RBM38: variants seen among roughly 807,000 people sequenced by gnomAD.
RBM38 encodes the protein RNA binding motif protein 38, also known as RNA-binding protein 38.
Under a neutral mutation model 23.5 loss-of-function variants are expected in RBM38, and 11 were observed. The observed-to-expected ratio is 0.47, with a 90% CI of 0.29 to 0.77. RBM38 has a LOEUF of 0.77. RBM38 is among the 30% of genes least tolerant of loss of function. The pLI is 0.08. For synonymous variants in RBM38, 165 were observed against 166.1 expected (o/e 0.99, Z 0.05); for missense variants, 330 against 351.9 (o/e 0.94, Z 0.50).
intron 3 of RBM38, among the ~76,000 whole-genome samples, chr20:57,403,277 G>GT (rs2146215709): frequency 6.6e-6 from 1 of 152,376 alleles, no homozygotes; most frequent in African/African-American, 2.4e-5. Flanking sequence ...CGCCTTGGAA[G>GT]TTTTGAAACC....
chr20:57,392,291 G>A lies in RBM38; in HGVS notation c.238-363G>A, dbSNP rs183294581. On this transcript the variant is annotated intron_variant, in intron 1 of 3. Coordinates refer to ENST00000356208, the MANE Select transcript of RBM38 (RefSeq NM_017495.6). ...CTTTCCTGCTTACCTTCCAAGCATAGCGTCGCAAACTCCTTCTCAGAGGAA... is the reference window on the plus strand; with the variant it reads ...CTTTCCTGCTTACCTTCCAAGCATAACGTCGCAAACTCCTTCTCAGAGGAA... The A allele has an allele frequency of 1.7e-4, 99 of 593,076 alleles. No individual in the cohort carries two copies. The East Asian group carries it at 3.9e-3, about 23-fold the overall frequency. 36.7% of individuals were successfully genotyped at this position (593,076 alleles called of 1,614,324 possible). A position where few individuals can be genotyped will look rare whatever the true frequency, so the allele number is the denominator to read the frequency against.
At chr20:57,399,543 G>T (rs1248346025) in intron 3 of RBM38, among the ~76,000 whole-genome samples, 2 of 152,224 alleles carry the variant, frequency 1.3e-5, no homozygotes, top group Non-Finnish European at 2.9e-5. Flanking sequence ...GGCCCTGACT[G>T]GGGTGGAGGC....
intron 3 of RBM38, among the ~76,000 whole-genome samples, chr20:57,394,026 T>C (rs1471815065): frequency 1.3e-5 from 2 of 152,094 alleles, no homozygotes; most frequent in African/African-American, 4.8e-5. Context: ...GAGTCCTGCC[T>C]TGCGGCCTGC....
chr20:57,407,548 C>G lies in RBM38; in HGVS notation c.422C>G (p.Thr141Ser). Reference sequence around the variant, plus strand: ...TGCTCTGCTTGGCCCCACAGGCTGACCCCGCACTACATCTACCCACCAGCC... The same window carrying G: ...TGCTCTGCTTGGCCCCACAGGCTGAGCCCGCACTACATCTACCCACCAGCC... ...PTLIQRTYGL[T>S]PHYIYPPAIV... The change falls in exon 4 of 4, where the codon ACC becomes AGC. Residue 141 changes from threonine to serine, a missense_variant. This residue lies in a region of RBM38 where 227 missense variants were observed against 216.4 expected (regional missense o/e 1.05). Transcript: ENST00000356208. The surrounding 1 kb of genome is among the most constrained non-coding windows in gnomAD (Gnocchi z 4.0). 6.2e-7 allele frequency: 1 copy of G among 1,613,484 alleles called. No individual in the cohort carries two copies. The highest frequency in any genetic ancestry group is 2.2e-5 in the East Asian group (1 of 44,878).
At chr20:57,398,553 GC>G (rs144145414) in intron 3 of RBM38, among the ~76,000 whole-genome samples, 1 of 152,068 alleles carries the variant, frequency 6.6e-6, no homozygotes, top group Non-Finnish European at 1.5e-5. Flanking sequence ...CCGCCCCCCT[GC>G]CCCCCCACAA....
chr20:57,406,156 G>C (rs2146220376), intron 3 of RBM38, among the ~76,000 whole-genome samples: 1 of 152,362 alleles, frequency 6.6e-6, no homozygotes, highest in South Asian at 2.1e-4. Flanking sequence ...CTCTGCAGCA[G>C]CTTCTGATGC....
intron 3 of RBM38, among the ~76,000 whole-genome samples, chr20:57,400,721 C>T (rs1321202510): frequency 1.3e-5 from 2 of 151,940 alleles, no homozygotes; most frequent in Non-Finnish European, 2.9e-5. Context: ...CTCTGGTAAA[C>T]AGATCCGCCT....
rs769402847 is a variant in RBM38, at chr20:57,407,740, A to G, written c.614A>G (p.Tyr205Cys). The change falls in exon 4 of 4, where the codon TAC (tyrosine) becomes TGC (cysteine). Residue 205 changes from tyrosine to cysteine, a missense_variant. Tyr to Cys is a radical substitution (Grantham distance 194). Coordinates refer to ENST00000356208, the MANE Select transcript of RBM38 (RefSeq NM_017495.6). The surrounding 1 kb of genome is among the most constrained non-coding windows in gnomAD (Gnocchi z 4.0). ...SPATAASFVGYSYPAAVPQAL... is the reference protein window; with the variant it reads ...SPATAASFVGCSYPAAVPQAL... Reference sequence around the variant, plus strand: ...GCCACGGCTGCCAGCTTCGTGGGCTACAGCTACCCTGCCGCCGTGCCCCAG... The same window carrying G: ...GCCACGGCTGCCAGCTTCGTGGGCTGCAGCTACCCTGCCGCCGTGCCCCAG... 2 of 1,611,210 alleles carry G rather than the reference A, an allele frequency of 1.2e-6. No homozygotes were observed. The highest frequency in any genetic ancestry group is 1.3e-5 in the African/African-American group (1 of 74,914).
intron 3 of RBM38, among the ~76,000 whole-genome samples, chr20:57,394,578 C>G (rs958487995): frequency 6.6e-6 from 1 of 152,166 alleles, no homozygotes; most frequent in African/African-American, 2.4e-5. Flanking sequence ...TGCCTCTGTC[C>G]TCCTGGGAAG....
chr20:57,400,090 C>A, intron 3 of RBM38: 1 of 437,590 alleles, frequency 2.3e-6, no homozygotes, highest in Non-Finnish European at 4.6e-6. Context: ...CCCAAGCCCT[C>A]TGTCTTGGGG....
intron 3 of RBM38, among the ~76,000 whole-genome samples, 188 bp downstream of exon 3, chr20:57,393,521 G>A (rs1366561121): frequency 6.6e-6 from 1 of 152,228 alleles, no homozygotes; most frequent in Non-Finnish European, 1.5e-5. Context: ...CCACCTAGGG[G>A]ATGGTGAGCC....
rs547520435 is a variant in RBM38, at chr20:57,396,877, G to A, written c.416+3544G>A. 7.9e-5 allele frequency among the ~76,000 whole-genome samples: 12 copies of A among 152,308 alleles called. No homozygotes were observed. The East Asian group carries it at 2.1e-3, about 27-fold the overall frequency. On this transcript the variant is annotated intron_variant, in intron 3 of 3. Coordinates refer to ENST00000356208, the MANE Select transcript of RBM38 (RefSeq NM_017495.6). ...GTTCAGGGCAGAAAGGACAATAAGG[G>A]CCAGTACGAACTGCCTCTGTCTTTT...
At chr20:57,395,842 GCC>G (rs1443082659) in intron 3 of RBM38, among the ~76,000 whole-genome samples, 1 of 152,190 alleles carries the variant, frequency 6.6e-6, no homozygotes, top group Non-Finnish European at 1.5e-5. Context: ...CGGGAGCACA[GCC>G]GGGCCTGACT....
At chr20:57,400,809 G>A (rs1368352053) in intron 3 of RBM38, among the ~76,000 whole-genome samples, 1 of 152,184 alleles carries the variant, frequency 6.6e-6, no homozygotes, top group Non-Finnish European at 1.5e-5. Context: ...AGGCACAGAC[G>A]CCCGGTTGTT....
At chr20:57,400,436 C>T (rs1201447858) in intron 3 of RBM38, among the ~76,000 whole-genome samples, 1 of 152,216 alleles carries the variant, frequency 6.6e-6, no homozygotes, top group Non-Finnish European at 1.5e-5. Flanking sequence ...ATGCCCAACC[C>T]TCCCGGCATG....
rs2067408549 is a variant in RBM38, at chr20:57,408,236, G to A, written c.*390G>A. On this transcript the variant is annotated 3_prime_UTR_variant, in exon 4 of 4. Coordinates refer to ENST00000356208, the MANE Select transcript of RBM38 (RefSeq NM_017495.6). ...CCCTCTGCAGCCCCTGGCTGCCCTG[G>A]ACTGTGCAGAGATGCCTGACTCCAG... 2.7e-5 allele frequency: 9 copies of A among 338,480 alleles called. No homozygotes were observed. The highest frequency in any genetic ancestry group is 5.7e-6 in the Non-Finnish European group (1 of 176,154). 21.0% of individuals were successfully genotyped at this position (338,480 alleles called of 1,614,324 possible). A position where few individuals can be genotyped will look rare whatever the true frequency, so the allele number is the denominator to read the frequency against.
At position 57,394,721 on chromosome 20, in the gene RBM38, A is replaced by G. The variant is rs550987076; in HGVS notation, c.416+1388A>G. ...TCATGCCTTCACCGAGATTCTTCCTATGGGGTTCAGGCCACATGAAGAGGG... is the reference window on the plus strand; with the variant it reads ...TCATGCCTTCACCGAGATTCTTCCTGTGGGGTTCAGGCCACATGAAGAGGG... On this transcript the variant is annotated intron_variant, in intron 3 of 3. Transcript: ENST00000356208. 3.9e-5 allele frequency among the ~76,000 whole-genome samples: 6 copies of G among 152,064 alleles called. No homozygotes were observed. In the East Asian group the frequency reaches 7.7e-4, roughly 20 times the overall value.
In RBM38 at chr20:57,403,159, G is replaced by A. The variant is rs563916908; in HGVS notation, c.417-4384G>A. Among the ~76,000 whole-genome samples, 3 of 152,280 alleles carry A rather than the reference G, an allele frequency of 2.0e-5. No individual in the cohort carries two copies. The East Asian group carries it at 5.8e-4, about 29-fold the overall frequency. On this transcript the variant is annotated intron_variant, in intron 3 of 3. Transcript: ENST00000356208. Reference sequence around the variant, plus strand: ...TAGGCATTTTCCAGTGTCCCCTGGGGGCACAGTTGTCCTGGTTGGGAATCG... The same window carrying A: ...TAGGCATTTTCCAGTGTCCCCTGGGAGCACAGTTGTCCTGGTTGGGAATCG...
chr20:57,401,069 A>G (rs904676185), intron 3 of RBM38, among the ~76,000 whole-genome samples: 2 of 152,092 alleles, frequency 1.3e-5, no homozygotes, highest in African/African-American at 4.8e-5. Flanking sequence ...TTGGGCTCCT[A>G]CCTGACTGCG....
Sources: gnomAD v4.1 joint callset for allele counts (sites outside exome capture counted in the v4.1 genomes callset) on GRCh38, gnomAD v4.1.1 for gene constraint, gnomAD v4.1.1 regional missense constraint, Gnocchi (gnomAD v3.1) non-coding constraint, MANE v1.5 for transcripts, NCBI Gene and HGNC (gene_info 2026-07-23, HGNC 2026-07-21) for gene names.